CDH20: variants seen among roughly 807,000 people sequenced by gnomAD.
CDH20 encodes the protein cadherin-20.
A neutral mutation model predicts 74.2 loss-of-function variants in CDH20; 29 were observed. The ratio of observed to expected loss-of-function variants is 0.39; its 90% CI spans 0.29 to 0.53. The LOEUF (loss-of-function observed/expected upper bound fraction) is 0.53, where lower values mean the gene tolerates loss of function less well. Among genes scored for constraint, CDH20 ranks in the 20% least tolerant of loss-of-function variants. The probability of loss-of-function intolerance (pLI) is 0.69; values close to 1 mark genes in which losing one functional copy is unlikely to be tolerated. For missense variants in CDH20, 988 were observed against 1,048.3 expected (o/e 0.94, Z 0.79); for synonymous variants, 469 against 405.4 (o/e 1.16, Z -1.88).
chr18:61,420,239 G>C (rs1912828235), intron 1 of CDH20, among the ~76,000 whole-genome samples: 1 of 152,044 alleles, frequency 6.6e-6, no homozygotes, highest in Non-Finnish European at 1.5e-5. Flanking sequence ...TCAGCCCATT[G>C]AGCTGTTTGT....
chr18:61,488,991 C>A (rs1222888444), intron 1 of CDH20, among the ~76,000 whole-genome samples: 2 of 152,174 alleles, frequency 1.3e-5, no homozygotes, highest in Non-Finnish European at 2.9e-5. Context: ...ATTAGCAAAC[C>A]CATTGCCCTC....
chr18:61,544,462 G>T (rs78617122), intron 9 of CDH20, among the ~76,000 whole-genome samples: 1,586 of 152,350 alleles, frequency 0.01, 18 homozygotes, highest in Middle Eastern at 0.041. Context: ...GGGCTGGAAG[G>T]CTGAGTGCAA....
chr18:61,480,288 T>A (rs995785894), intron 1 of CDH20, among the ~76,000 whole-genome samples: 1 of 152,238 alleles, frequency 6.6e-6, no homozygotes, highest in Non-Finnish European at 1.5e-5. Context: ...GAACCTCGAA[T>A]ATCTGAGACA....
intron 6 of CDH20, among the ~76,000 whole-genome samples, chr18:61,527,379 A>ATAGG (rs2144369843): frequency 6.7e-6 from 1 of 149,986 alleles, no homozygotes; most frequent in African/African-American, 2.5e-5. Flanking sequence ...AGATAGATAG[A>ATAGG]TAGATAGATA....
intron 1 of CDH20, among the ~76,000 whole-genome samples, chr18:61,461,450 C>T (rs1909770544): frequency 6.6e-6 from 1 of 152,040 alleles, no homozygotes; most frequent in Non-Finnish European, 1.5e-5. Context: ...GCTGCCTTGG[C>T]TCCTCCGGCT....
At chr18:61,453,773 G>A (rs946476347) in intron 1 of CDH20, among the ~76,000 whole-genome samples, 6 of 152,166 alleles carry the variant, frequency 3.9e-5, no homozygotes, top group African/African-American at 1.2e-4. Flanking sequence ...ATAAACATTC[G>A]TGTACATATT....
chr18:61,338,507 A>G (rs1472469603), intron 1 of CDH20, among the ~76,000 whole-genome samples: 1 of 152,188 alleles, frequency 6.6e-6, no homozygotes, highest in Non-Finnish European at 1.5e-5. Flanking sequence ...ACCTCAAGGT[A>G]TATGTAATTT....
At chr18:61,458,730 T>C (rs1001286945) in intron 1 of CDH20, among the ~76,000 whole-genome samples, 2 of 152,216 alleles carry the variant, frequency 1.3e-5, no homozygotes, top group Non-Finnish European at 2.9e-5. Context: ...AGCCCTGCAA[T>C]TGCATGTGAA....
intron 1 of CDH20, among the ~76,000 whole-genome samples, chr18:61,388,980 A>G (rs1266914764): frequency 2.6e-5 from 4 of 152,176 alleles, no homozygotes; most frequent in East Asian, 1.9e-4. Context: ...CGTTTATGCA[A>G]TTCTTAAAGA....
At chr18:61,407,403 T>C (rs1912366230) in intron 1 of CDH20, among the ~76,000 whole-genome samples, 1 of 152,174 alleles carries the variant, frequency 6.6e-6, no homozygotes, top group Non-Finnish European at 1.5e-5. Flanking sequence ...TCCAAGTAAA[T>C]GCTCTAAGAA....
Position 61,365,320 on chromosome 18 carries a change from G to A in CDH20, c.-153+31493G>A, listed in dbSNP as rs114425595. On this transcript the variant is annotated intron_variant, in intron 1 of 11. Transcript: ENST00000262717. ...CAACACAGTAATTCCATCTTCTGTCGGGTCCCACTGAGGATTCTGAAAACT... is the reference window on the plus strand; with the variant it reads ...CAACACAGTAATTCCATCTTCTGTCAGGTCCCACTGAGGATTCTGAAAACT... 2.0e-5 allele frequency among the ~76,000 whole-genome samples: 3 copies of A among 152,280 alleles called. No homozygotes were observed. The South Asian group carries it at 6.2e-4, about 32-fold the overall frequency.
chr18:61,471,539 A>AT (rs772068288), intron 1 of CDH20, among the ~76,000 whole-genome samples: 1 of 152,188 alleles, frequency 6.6e-6, no homozygotes, highest in African/African-American at 2.4e-5. Flanking sequence ...AGCAACATGC[A>AT]TTTTTTCCAT....
intron 2 of CDH20, among the ~76,000 whole-genome samples, chr18:61,493,106 A>G (rs1911017221): frequency 1.3e-5 from 2 of 152,226 alleles, no homozygotes; most frequent in African/African-American, 4.8e-5. Context: ...ACGCTCAGTA[A>G]TACCTAATGC....
At chr18:61,348,231 A>G (rs1297906835) in intron 1 of CDH20, among the ~76,000 whole-genome samples, 1 of 152,132 alleles carries the variant, frequency 6.6e-6, no homozygotes, top group African/African-American at 2.4e-5. Context: ...TGCTCCTATC[A>G]TTCCCACACC....
chr18:61,514,810 T>C (rs1218788317), intron 6 of CDH20, among the ~76,000 whole-genome samples: 13 of 152,102 alleles, frequency 8.5e-5, no homozygotes, highest in Non-Finnish European at 1.6e-4. Flanking sequence ...GTTAGGCTGC[T>C]TGGGGGTCAG....
chr18:61,477,683 T>G (rs1483682117), intron 1 of CDH20, among the ~76,000 whole-genome samples: 1 of 151,808 alleles, frequency 6.6e-6, no homozygotes, highest in Non-Finnish European at 1.5e-5. Context: ...AAAATATATA[T>G]TATAATTAGC....
Position 61,490,666 on chromosome 18 carries a change from C to G in CDH20, c.113C>G (p.Thr38Arg). ...LTTTVLSDTP[T>R]PQGELEALLS... ...ACCACCGTTCTCTCGGACACCCCAA[C>G]ACCACAAGGTGAATTAGAAGCACTC... Residue 38 changes from threonine (T) to arginine (R), a missense_variant, in exon 2 of 12, where the codon ACA becomes AGA. Thr to Arg is a moderately conservative substitution (Grantham distance 71). Transcript: ENST00000262717. 1 of 1,614,100 alleles carries G rather than the reference C, an allele frequency of 6.2e-7. No individual in the cohort carries two copies. Among genetic ancestry groups the G allele is most frequent in the Admixed American group, 1.7e-5 (1 of 60,000 alleles).
chr18:61,342,380 A>C (rs1909981107), intron 1 of CDH20, among the ~76,000 whole-genome samples: 2 of 152,210 alleles, frequency 1.3e-5, no homozygotes, highest in Admixed American at 1.3e-4. Flanking sequence ...GTAGATGCAG[A>C]AACTGAGGCA....
At chr18:61,414,129 A>G (rs1338770238) in intron 1 of CDH20, among the ~76,000 whole-genome samples, 3 of 152,130 alleles carry the variant, frequency 2.0e-5, no homozygotes, top group Non-Finnish European at 1.5e-5. Flanking sequence ...CGTATTTTAG[A>G]AACTAAAAAA....
Sources: gnomAD v4.1 joint callset for allele counts (sites outside exome capture counted in the v4.1 genomes callset) on GRCh38, gnomAD v4.1.1 for gene constraint, MANE v1.5 for transcripts, NCBI Gene and HGNC (gene_info 2026-07-23, HGNC 2026-07-21) for gene names.